The following POU3F3 variants were observed in gnomAD, a reference collection of about 807,000 sequenced individuals.
POU3F3 encodes the protein POU class 3 homeobox 3.
A neutral mutation model predicts 8.6 loss-of-function variants in POU3F3; 1 was observed. The ratio of observed to expected loss-of-function variants is 0.12; its 90% CI spans 0.04 to 0.55. The LOEUF (loss-of-function observed/expected upper bound fraction) is 0.55. POU3F3 is among the 20% of genes least tolerant of loss of function. POU3F3 has a pLI of 0.91. For missense variants in POU3F3, 577 were observed against 690.7 expected, an observed-to-expected ratio of 0.84 and a Z score of 1.84; for synonymous variants, 418 against 327.4, an observed-to-expected ratio of 1.28 and a Z score of -2.99.
chr2:104,906,397 G>A, the POU3F3 span, among the ~76,000 whole-genome samples: 7 of 152,178 alleles, frequency 4.6e-5, no homozygotes, highest in African/African-American at 1.7e-4. Flanking sequence ...TCCTGTCCCA[G>A]TACAATGTCT....
chr2:104,891,973 C>T, the POU3F3 span, among the ~76,000 whole-genome samples: 1 of 152,252 alleles, frequency 6.6e-6, no homozygotes, highest in South Asian at 2.1e-4. Context: ...AAAGAAGCAA[C>T]GTTCTTGAGG....
the POU3F3 span, among the ~76,000 whole-genome samples, chr2:104,922,533 A>C: frequency 6.6e-6 from 1 of 152,148 alleles, no homozygotes; most frequent in African/African-American, 2.4e-5. Flanking sequence ...AAAATTTACT[A>C]GAGGAATTTG....
chr2:104,869,598 C>T, the POU3F3 span, among the ~76,000 whole-genome samples: 12 of 152,164 alleles, frequency 7.9e-5, no homozygotes, highest in East Asian at 2.1e-3. Context: ...TCTGGAACTC[C>T]CTGTAGGACA....
At chr2:104,906,082 T>A in the POU3F3 span, among the ~76,000 whole-genome samples, 1 of 152,226 alleles carries the variant, frequency 6.6e-6, no homozygotes, top group African/African-American at 2.4e-5. Flanking sequence ...CAGTTGGCAA[T>A]CATTCCTCAC....
At chr2:104,877,907 C>T in the POU3F3 span, among the ~76,000 whole-genome samples, 5 of 152,174 alleles carry the variant, frequency 3.3e-5, no homozygotes, top group Non-Finnish European at 7.4e-5. Context: ...CCGTCCTCCT[C>T]GGCCTCCCAA....
the POU3F3 span, among the ~76,000 whole-genome samples, chr2:104,894,350 A>G: frequency 6.6e-6 from 1 of 152,174 alleles, no homozygotes; most frequent in South Asian, 2.1e-4. Context: ...ATATGAAAGG[A>G]TTAGTTAAGC....
At position 104,855,818 on chromosome 2, in the gene POU3F3, ACGCCGCCGCCGCCGC is replaced by A. The variant is rs754300848; in HGVS notation, c.315_329del (p.Ala111_Ala115del). On this transcript the variant is annotated inframe_deletion, in exon 1 of 1. Transcript: ENST00000361360. ...CACCAGTGGGTCACAGCCCTGCCCCACGCCGCCGCCGCCGCCGCCGCTGCCGCCGCCGCCGCCGTG... is the reference window on the plus strand; with the variant it reads ...CACCAGTGGGTCACAGCCCTGCCCCACGCCGCTGCCGCCGCCGCCGCCGTG... 1.8e-6 allele frequency: 2 copies of A among 1,123,346 alleles called. No individual in the cohort carries two copies. The highest frequency in any genetic ancestry group is 2.2e-6 in the Non-Finnish European group (2 of 917,432). The allele number at this position is 1,123,346 out of a possible 1,614,324, so 69.6% of individuals were successfully genotyped here. A position where few individuals can be genotyped will look rare whatever the true frequency, so the allele number is the denominator to read the frequency against.
At chr2:104,875,758 C>A in the POU3F3 span, among the ~76,000 whole-genome samples, 1 of 152,080 alleles carries the variant, frequency 6.6e-6, no homozygotes, top group Non-Finnish European at 1.5e-5. Flanking sequence ...GCTCTGTCGC[C>A]CAGGCTGGAG....
At chr2:104,871,889 G>A in the POU3F3 span, among the ~76,000 whole-genome samples, 1 of 152,138 alleles carries the variant, frequency 6.6e-6, no homozygotes, top group African/African-American at 2.4e-5. Flanking sequence ...TCCAGTATCT[G>A]GGCAAGTTCA....
chr2:104,880,546 G>A, the POU3F3 span, among the ~76,000 whole-genome samples: 1 of 152,178 alleles, frequency 6.6e-6, no homozygotes, highest in Non-Finnish European at 1.5e-5. Context: ...ATTTGTAAGT[G>A]TTGCTGGTGA....
chr2:104,906,512 C>T, the POU3F3 span, among the ~76,000 whole-genome samples: 1 of 152,054 alleles, frequency 6.6e-6, no homozygotes, highest in African/African-American at 2.4e-5. Context: ...CTGGTTAATC[C>T]CAAATAAATG....
At chr2:104,880,840 G>A in the POU3F3 span, among the ~76,000 whole-genome samples, 2 of 152,092 alleles carry the variant, frequency 1.3e-5, no homozygotes, top group African/African-American at 4.8e-5. Context: ...CCGGGGCAGG[G>A]ATGGGTTAGG....
At chr2:104,879,671 C>T in the POU3F3 span, among the ~76,000 whole-genome samples, 1 of 152,062 alleles carries the variant, frequency 6.6e-6, no homozygotes, top group South Asian at 2.1e-4. Context: ...GATCACCCCT[C>T]CTTCCTTGCT....
At chr2:104,889,428 C>T in the POU3F3 span, among the ~76,000 whole-genome samples, 3 of 152,186 alleles carry the variant, frequency 2.0e-5, no homozygotes, top group African/African-American at 7.2e-5. Context: ...GGGGAAGTTC[C>T]CCATGCTCCA....
the POU3F3 span, among the ~76,000 whole-genome samples, chr2:104,875,908 G>C: frequency 9.2e-5 from 14 of 152,236 alleles, no homozygotes; most frequent in African/African-American, 3.4e-4. Flanking sequence ...AGTAGAGACA[G>C]GGTTTCACCA....
At chr2:104,853,835 TA>T (rs1281038459), upstream of POU3F3, 1 of 151,612 alleles carries the variant, frequency 6.6e-6, no homozygotes, top group African/African-American at 2.4e-5. Context: ...CACTAAGAGT[TA>T]AGATGTGGCG....
chr2:104,860,077 A>C (rs1361522512), downstream of POU3F3, among the ~76,000 whole-genome samples: 1 of 152,216 alleles, frequency 6.6e-6, no homozygotes, highest in African/African-American at 2.4e-5. Context: ...CTATTAAAAA[A>C]ATTTCAGGAG....
chr2:104,913,666 A>G, the POU3F3 span, among the ~76,000 whole-genome samples: 1 of 152,250 alleles, frequency 6.6e-6, no homozygotes, highest in East Asian at 1.9e-4. Context: ...GGCCCAGACA[A>G]GAGCTACGAT....
chr2:104,888,738 G>A, the POU3F3 span, among the ~76,000 whole-genome samples: 1 of 151,946 alleles, frequency 6.6e-6, no homozygotes, highest in African/African-American at 2.4e-5. Flanking sequence ...CCACTCTCAG[G>A]AGAGTCACAG....
Sources: allele counts gnomAD v4.1 joint callset (sites outside exome capture counted in the v4.1 genomes callset), GRCh38; gene constraint gnomAD v4.1.1; transcripts MANE v1.5; gene names NCBI Gene and HGNC (gene_info 2026-07-23, HGNC 2026-07-21).